The following UGCG variants were observed in gnomAD, a reference collection of about 807,000 sequenced individuals.
UGCG encodes the protein ceramide glucosyltransferase.
A neutral mutation model predicts 49.5 loss-of-function variants in UGCG; 10 were observed. That is an observed-to-expected ratio of 0.20 (90% CI 0.12 to 0.34). The LOEUF is 0.34. Ranked by LOEUF, UGCG falls within the 10% of genes least tolerant of loss-of-function variation. The pLI is 1.00. For synonymous variants in UGCG, 182 were observed against 158.2 expected (o/e 1.15, Z -1.13); for missense variants, 312 against 483.7 (o/e 0.65, Z 3.33).
At chr9:111,917,571 C>T (rs1003291522) in intron 2 of UGCG, among the ~76,000 whole-genome samples, 1 of 152,184 alleles carries the variant, frequency 6.6e-6, no homozygotes, top group Non-Finnish European at 1.5e-5. Context: ...TCGATTGGGA[C>T]TATCATAGGC....
rs1019647792 is a variant in UGCG, at chr9:111,918,919, C to T, written c.241-3930C>T. ...CCGCCTGGGCGACAGAACGAGACTC[C>T]GTCTCAAAAAAAAAAAACAAAAAAC... On this transcript the variant is annotated intron_variant, in intron 2 of 8. Transcript: ENST00000374279. Among the ~76,000 whole-genome samples the T allele has an allele frequency of 3.0e-5, 4 of 131,482 alleles. No homozygotes were observed. In the South Asian group the frequency reaches 7.0e-4, roughly 23 times the overall value. 86.3% of individuals were successfully genotyped at this position (131,482 alleles called of 152,430 possible).
chr9:111,909,044 G>A (rs1837944799), intron 1 of UGCG, among the ~76,000 whole-genome samples: 2 of 152,196 alleles, frequency 1.3e-5, no homozygotes, highest in Non-Finnish European at 2.9e-5. Context: ...TCAGCTTCCC[G>A]AGTAGCTGGA....
intron 2 of UGCG, 47 bp from the exon 3 acceptor site, chr9:111,922,802 C>A: frequency 7.1e-7 from 1 of 1,415,280 alleles, no homozygotes; most frequent in Non-Finnish European, 9.7e-7. Context: ...CTAGTAAGTG[C>A]TTATTTTTTT....
At chr9:111,923,083 T>C (rs1211084362) in intron 3 of UGCG, 132 bp downstream of exon 3, 1 of 482,194 alleles carries the variant, frequency 2.1e-6, no homozygotes, top group Non-Finnish European at 3.5e-6. Context: ...TGAGAGGTGT[T>C]TACGTCCTTT....
chr9:111,905,817 T>C (rs1429706826), intron 1 of UGCG, among the ~76,000 whole-genome samples: 1 of 152,226 alleles, frequency 6.6e-6, no homozygotes, highest in Admixed American at 6.5e-5. Flanking sequence ...CTAAGAATGC[T>C]GTGCCTCAGA....
intron 1 of UGCG, among the ~76,000 whole-genome samples, chr9:111,898,175 G>T (rs749419063): frequency 5.3e-5 from 8 of 151,740 alleles, no homozygotes; most frequent in Non-Finnish European, 1.2e-4. Flanking sequence ...AGAGACATGG[G>T]TTATGTGGCT....
chr9:111,925,779 A>G (rs1232930971), intron 4 of UGCG, among the ~76,000 whole-genome samples: 3 of 152,248 alleles, frequency 2.0e-5, no homozygotes, highest in Non-Finnish European at 4.4e-5. Context: ...TTAAAATGCA[A>G]ATTAGAAAAT....
rs141338588 is a variant in UGCG at position 111,930,760 on chromosome 9, A to G, written c.738-511A>G. Among the ~76,000 whole-genome samples, 1,485 of 152,308 alleles carry G rather than the reference A, an allele frequency of 9.7e-3. 9 individuals carry two copies. Among genetic ancestry groups the G allele is most frequent in the Non-Finnish European group, 0.016 (1,099 of 68,018 alleles). ...TGGGATTACAGGCATGAGCCACTGC[A>G]TCCAGCCTAAAATACTTGTTTTTAA... is the stretch of plus-strand genomic sequence containing the variant. On this transcript the variant is annotated intron_variant, in intron 6 of 8. Coordinates refer to ENST00000374279, the MANE Select transcript of UGCG (RefSeq NM_003358.3).
intron 3 of UGCG, among the ~76,000 whole-genome samples, chr9:111,923,383 G>T (rs1838260938): frequency 6.6e-6 from 1 of 150,838 alleles, no homozygotes; most frequent in African/African-American, 2.4e-5. Context: ...TTTTAACATA[G>T]AGCTGATGTG....
chr9:111,899,683 T>A (rs1837732224), intron 1 of UGCG, among the ~76,000 whole-genome samples: 1 of 152,178 alleles, frequency 6.6e-6, no homozygotes, highest in African/African-American at 2.4e-5. Context: ...TCTTCCTTAT[T>A]CCTCCAAATT....
chr9:111,925,798 A>G lies in UGCG; in HGVS notation c.446-586A>G, dbSNP rs536703017. On this transcript the variant is annotated intron_variant, in intron 4 of 8. Coordinates refer to ENST00000374279, the MANE Select transcript of UGCG (RefSeq NM_003358.3). ...AATGCAAATTAGAAAATGAACATAA[A>G]TGTTGCACTCCTATGAGTTAATCAA... 1.3e-3 allele frequency among the ~76,000 whole-genome samples: 193 copies of G among 152,368 alleles called. 2 individuals are homozygous for G. The Middle Eastern group carries it at 0.014, about 11-fold the overall frequency.
At chr9:111,922,813 A>T (rs752785077) in intron 2 of UGCG, 36 bp from the exon 3 acceptor site, 46 of 1,504,320 alleles carry the variant, frequency 3.1e-5, no homozygotes, top group African/African-American at 5.6e-5. Flanking sequence ...TTATTTTTTT[A>T]AAGAATTTAA....
chr9:111,923,187 G>A (rs1838257517), intron 3 of UGCG, among the ~76,000 whole-genome samples: 1 of 151,904 alleles, frequency 6.6e-6, no homozygotes, highest in Non-Finnish European at 1.5e-5. Flanking sequence ...AATCAGACAT[G>A]AGGGTCTGTT....
intron 2 of UGCG, chr9:111,915,861 G>C: frequency 4.1e-6 from 4 of 970,614 alleles, no homozygotes; most frequent in Non-Finnish European, 4.9e-6. Flanking sequence ...GTATCATTCA[G>C]TTGTATTTTT....
At chr9:111,931,494 T>C (rs1444166799) in intron 7 of UGCG, 137 bp downstream of exon 7, 47 of 704,340 alleles carry the variant, frequency 6.7e-5, no homozygotes. Context: ...AAATAGAGTT[T>C]AACGTCTGTG....
At chr9:111,931,486 A>G (rs1838423606) in intron 7 of UGCG, 129 bp downstream of exon 7, 1 of 770,254 alleles carries the variant, frequency 1.3e-6, no homozygotes, top group South Asian at 1.9e-5. Flanking sequence ...GTTGCAGAAA[A>G]TAGAGTTTAA....
intron 1 of UGCG, 39 bp downstream of exon 1, chr9:111,897,352 C>T (rs1282730513): frequency 2.7e-6 from 4 of 1,508,362 alleles, no homozygotes; most frequent in Non-Finnish European, 1.8e-6. Context: ...GGGCAGGGGT[C>T]CGGGCCTCGG....
At chr9:111,918,185 G>A (rs1838145792) in intron 2 of UGCG, among the ~76,000 whole-genome samples, 1 of 152,016 alleles carries the variant, frequency 6.6e-6, no homozygotes, top group South Asian at 2.1e-4. Context: ...GGGATTACAG[G>A]CGCATGCCAC....
At chr9:111,897,905 G>A (rs1837694821) in intron 1 of UGCG, among the ~76,000 whole-genome samples, 1 of 150,580 alleles carries the variant, frequency 6.6e-6, no homozygotes, top group Non-Finnish European at 1.5e-5. Flanking sequence ...CCTTTTTTCA[G>A]TTCCTCGTTT....
Sources: gnomAD v4.1 joint callset for allele counts (sites outside exome capture counted in the v4.1 genomes callset) on GRCh38, gnomAD v4.1.1 for gene constraint, MANE v1.5 for transcripts, NCBI Gene and HGNC (gene_info 2026-07-23, HGNC 2026-07-21) for gene names.